RBM26: variants seen among roughly 807,000 people sequenced by gnomAD.
RBM26 encodes RNA-binding protein 26.
Under a neutral mutation model 123.6 loss-of-function variants are expected in RBM26, and 30 were observed. The observed-to-expected ratio is 0.24, with a 90% CI of 0.18 to 0.33. RBM26 has a LOEUF of 0.33. Ranked by LOEUF, RBM26 falls within the 10% of genes least tolerant of loss-of-function variation. The pLI, the probability that RBM26 is intolerant of heterozygous loss-of-function variation, is 1.00. For synonymous variants in RBM26, 400 were observed against 404.4 expected, an observed-to-expected ratio of 0.99 and a Z score of 0.13; for missense variants, 947 against 1,203.6, an observed-to-expected ratio of 0.79 and a Z score of 3.15.
rs769238578 is a variant in RBM26 at position 79,337,267 on chromosome 13, G to A, written c.2568C>T (p.Gly856=). Reference sequence around the variant, plus strand: ...CTCGACCTCTTGAATGAATTCCTCTGCCCCGACCAGATGAAAGAATCCCTC... The same window carrying A: ...CTCGACCTCTTGAATGAATTCCTCTACCCCGACCAGATGAAAGAATCCCTC... ...AKRGILSSGR[G]RGIHSRGRGA... The change falls in exon 19 of 22, where the codon GGC becomes GGT. Residue 856 remains glycine, a synonymous_variant. Transcript: ENST00000438737. 5.6e-6 allele frequency: 9 copies of A among 1,614,068 alleles called. No homozygotes were observed. In the Admixed American group the frequency reaches 1.5e-4, roughly 27 times the overall value.
intron 14 of RBM26, among the ~76,000 whole-genome samples, chr13:79,349,803 G>C (rs1486440918): frequency 6.6e-6 from 1 of 151,536 alleles, no homozygotes; most frequent in East Asian, 1.9e-4. Flanking sequence ...TGGTTCAAGT[G>C]ATTCTCCTGC....
At chr13:79,373,722 TATA>T (rs1364210599) in intron 3 of RBM26, among the ~76,000 whole-genome samples, 1 of 39,224 alleles carries the variant, frequency 2.5e-5, no homozygotes. Context: ...TATTACTATA[TATA>T]ATAATATATA....
downstream of RBM26, among the ~76,000 whole-genome samples, chr13:79,315,650 CG>C (rs1303363903): frequency 1.3e-5 from 2 of 151,418 alleles, no homozygotes; most frequent in African/African-American, 4.8e-5. Flanking sequence ...AAAGTGGATA[CG>C]AAAAAAGTAG....
At chr13:79,373,471 TAA>T (rs376849853) in intron 3 of RBM26, among the ~76,000 whole-genome samples, 1 of 1,250 alleles carries the variant, frequency 8.0e-4, no homozygotes, top group South Asian at 0.12. Context: ...ATAATATGTA[TAA>T]ATATACAAAT....
At position 79,368,198 on chromosome 13, in the gene RBM26, G is replaced by C. The variant is rs1258582891; in HGVS notation, c.895+532C>G. Among the ~76,000 whole-genome samples the C allele has an allele frequency of 2.0e-5, 3 of 152,112 alleles. No individual in the cohort carries two copies. The East Asian group carries it at 5.8e-4, about 30-fold the overall frequency. On this transcript the variant is annotated intron_variant, in intron 6 of 21. Coordinates refer to ENST00000438737, the MANE Select transcript of RBM26 (RefSeq NM_001366735.2). ...AGCCACCACGCCCAGCTAATTTGTT[G>C]TATTTTTAGTAGAGACGGGGTTGCA...
chr13:79,333,131 A>G (rs1030323467), intron 20 of RBM26, among the ~76,000 whole-genome samples: 3 of 152,218 alleles, frequency 2.0e-5, no homozygotes, highest in African/African-American at 7.2e-5. Context: ...TGGAGAGAAC[A>G]TTTAATCAAA....
chr13:79,401,842 A>T (rs1267387767), intron 1 of RBM26, among the ~76,000 whole-genome samples: 2 of 152,232 alleles, frequency 1.3e-5, no homozygotes, highest in Non-Finnish European at 2.9e-5. Context: ...ATCTGGACAC[A>T]GAGATCTTCC....
intron 3 of RBM26, among the ~76,000 whole-genome samples, chr13:79,375,178 TA>T (rs35734083): frequency 0.021 from 2,722 of 131,300 alleles, 75 homozygotes; most frequent in African/African-American, 0.068. Context: ...TATATATATA[TA>T]TTTTTTTTTT....
chr13:79,364,969 A>G (rs1423074005), intron 9 of RBM26, among the ~76,000 whole-genome samples: 8 of 152,138 alleles, frequency 5.3e-5, no homozygotes. Context: ...TCAAGATTAC[A>G]AATGATACAA....
intron 10 of RBM26, 64 bp downstream of exon 10, chr13:79,359,511 A>C: frequency 1.3e-6 from 1 of 769,266 alleles, no homozygotes; most frequent in Non-Finnish European, 2.2e-6. Context: ...TTGTCATAAT[A>C]ATACAGAAAT....
intron 1 of RBM26, 85 bp downstream of exon 1, chr13:79,405,618 CA>C: frequency 1.1e-6 from 1 of 885,372 alleles, no homozygotes; most frequent in Non-Finnish European, 1.7e-6. Flanking sequence ...GCCTCCACCG[CA>C]GGCACTTGGG....
At chr13:79,401,511 A>G (rs1200664903) in intron 1 of RBM26, among the ~76,000 whole-genome samples, 5 of 152,226 alleles carry the variant, frequency 3.3e-5, no homozygotes, top group African/African-American at 1.2e-4. Flanking sequence ...AAATGGAGAG[A>G]TAACAATGCT....
At position 79,402,095 on chromosome 13, in the gene RBM26, CTGTTTTTTT is replaced by C. The variant is rs1271563744; in HGVS notation, c.71+3600_71+3608del. 6.1e-5 allele frequency among the ~76,000 whole-genome samples: 9 copies of C among 148,702 alleles called. No individual in the cohort carries two copies. The South Asian group carries it at 1.9e-3, about 31-fold the overall frequency. The stretch of plus-strand genomic sequence containing the variant: ...TTTTAAATACAGTAGAAAGTGTTTT[CTGTTTTTTT>C]TGTTTGTTTAAAAGTTTACTACAAC... On this transcript the variant is annotated intron_variant, in intron 1 of 21. Transcript: ENST00000438737.
chr13:79,368,791 T>C lies in RBM26; in HGVS notation c.834A>G (p.Gln278=), dbSNP rs758675058. The part of the protein sequence containing the change: ...TESWSEFHED[Q]VDHNSYVRPP... ...GTCTTACGTAAGAGTTATGGTCCAC[T>C]TGGTCTTCATGAAATTCAGACCAAC... is the stretch of plus-strand genomic sequence containing the variant. Residue 278 remains glutamine (Q), a synonymous_variant, in exon 6 of 22, where the codon CAA becomes CAG. Transcript: ENST00000438737. 2.5e-6 allele frequency: 4 copies of C among 1,613,902 alleles called. No individual in the cohort carries two copies. The highest frequency in any genetic ancestry group is 1.3e-5 in the African/African-American group (1 of 74,942).
chr13:79,345,636 A>AT (rs942088048), intron 14 of RBM26, among the ~76,000 whole-genome samples: 29 of 151,376 alleles, frequency 1.9e-4, no homozygotes, highest in Non-Finnish European at 3.4e-4. Flanking sequence ...GCTCATCTAT[A>AT]AAATAAAGAA....
chr13:79,313,306 AGTCAT>A lies in RBM26; in HGVS notation c.*1659_*1663del, dbSNP rs1290435482. The A allele has an allele frequency of 3.3e-5, 5 of 152,004 alleles. No homozygotes were observed. The East Asian group carries it at 7.7e-4, about 23-fold the overall frequency. The allele number at this position is 152,004 out of a possible 1,614,324, so 9.4% of individuals were successfully genotyped here. A position where few individuals can be genotyped will look rare whatever the true frequency, so the allele number is the denominator to read the frequency against. On this transcript the variant is annotated 3_prime_UTR_variant, in exon 5 of 5. Transcript: ENST00000449987. ...AGCGCAGTGATCTTAGTGAGAATCA[AGTCAT>A]CTTGAATTCTGATTCTCAATGGTAT...
chr13:79,378,590 C>A (rs2076835893), intron 2 of RBM26, among the ~76,000 whole-genome samples, 199 bp downstream of exon 2: 1 of 152,156 alleles, frequency 6.6e-6, no homozygotes, highest in African/African-American at 2.4e-5. Context: ...CAGGCACCCA[C>A]CATCATGCCC....
chr13:79,315,830 T>C (rs1179753974), downstream of RBM26, among the ~76,000 whole-genome samples: 1 of 151,752 alleles, frequency 6.6e-6, no homozygotes, highest in Non-Finnish European at 1.5e-5. Flanking sequence ...CTAGGATTTT[T>C]AAGTAGCAAC....
intron 14 of RBM26, among the ~76,000 whole-genome samples, chr13:79,346,754 AC>A (rs1425603602): frequency 6.6e-6 from 1 of 152,148 alleles, no homozygotes; most frequent in Admixed American, 6.5e-5. Flanking sequence ...CTTCCATGCT[AC>A]CTAACCACAG....
Sources: allele counts gnomAD v4.1 joint callset (sites outside exome capture counted in the v4.1 genomes callset), GRCh38; gene constraint gnomAD v4.1.1; transcripts MANE v1.5; gene names NCBI Gene and HGNC (gene_info 2026-07-23, HGNC 2026-07-21).